ARHGAP26: variants seen among roughly 807,000 people sequenced by gnomAD.
ARHGAP26 encodes rho GTPase-activating protein 26.
In ARHGAP26, 38 loss-of-function variants were observed where a neutral mutation model predicts 104.8. The observed-to-expected ratio is 0.36, with a 90% CI of 0.28 to 0.48. ARHGAP26 has a LOEUF of 0.48. ARHGAP26 is among the 20% of genes least tolerant of loss of function. The pLI is 0.99. For missense variants in ARHGAP26, 704 were observed against 947.9 expected, an observed-to-expected ratio of 0.74 and a Z score of 3.38; for synonymous variants, 341 against 340.0, an observed-to-expected ratio of 1.00 and a Z score of -0.03.
chr5:142,994,873 A>G (rs921737038), intron 11 of ARHGAP26, among the ~76,000 whole-genome samples: 1 of 152,224 alleles, frequency 6.6e-6, no homozygotes, highest in East Asian at 1.9e-4. Context: ...TGTCACAATG[A>G]GAAAATAACA....
intron 17 of ARHGAP26, among the ~76,000 whole-genome samples, chr5:143,117,891 T>C (rs1341606509): frequency 6.6e-6 from 1 of 152,248 alleles, no homozygotes; most frequent in Non-Finnish European, 1.5e-5. Flanking sequence ...GAAACTCTCC[T>C]CATCTTTTAT....
chr5:142,781,954 A>G (rs1225677675), intron 1 of ARHGAP26, among the ~76,000 whole-genome samples: 2 of 152,028 alleles, frequency 1.3e-5, no homozygotes, highest in African/African-American at 2.4e-5. Flanking sequence ...TGACTTCGTG[A>G]TCTGCCCGCC....
chr5:142,832,804 A>C (rs370920564), intron 1 of ARHGAP26, among the ~76,000 whole-genome samples: 1 of 152,244 alleles, frequency 6.6e-6, no homozygotes, highest in South Asian at 2.1e-4. Flanking sequence ...GAATCTGCTC[A>C]GATGCTTAAG....
At chr5:143,147,188 A>G (rs780716986) in intron 19 of ARHGAP26, 43 bp from the exon 20 acceptor site, 85 of 1,597,960 alleles carry the variant, frequency 5.3e-5, no homozygotes, top group Non-Finnish European at 6.8e-5. Context: ...GACTGTCCCT[A>G]TGCAATAATA....
Position 142,963,372 on chromosome 5 carries a change from C to A in ARHGAP26, c.1107+31247C>A, listed in dbSNP as rs549881232. 4.6e-5 allele frequency among the ~76,000 whole-genome samples: 7 copies of A among 151,652 alleles called. No homozygotes were observed. In the South Asian group the frequency reaches 1.0e-3, roughly 23 times the overall value. ...TGATATATATTCTTTTGGGTGTATA[C>A]CCAGTAATGGGATTGCTGGATCAAA... On this transcript the variant is annotated intron_variant, in intron 11 of 22. Transcript: ENST00000645722.
intron 17 of ARHGAP26, among the ~76,000 whole-genome samples, chr5:143,078,473 C>T (rs916140422): frequency 2.6e-5 from 4 of 151,960 alleles, no homozygotes; most frequent in African/African-American, 7.3e-5. Flanking sequence ...ACTGATGGAC[C>T]GTGCTAGAGA....
intron 20 of ARHGAP26, among the ~76,000 whole-genome samples, chr5:143,183,515 G>C (rs1804703540): frequency 6.6e-6 from 1 of 152,176 alleles, no homozygotes; most frequent in African/African-American, 2.4e-5. Context: ...CCGGGAGTTG[G>C]CCTTATCCTG....
chr5:142,782,023 G>A (rs1561830788), intron 1 of ARHGAP26, among the ~76,000 whole-genome samples: 1 of 152,182 alleles, frequency 6.6e-6, no homozygotes, highest in Non-Finnish European at 1.5e-5. Context: ...CCGATTCATG[G>A]TGTTTTTGAG....
chr5:143,111,450 T>G (rs1794761734), intron 17 of ARHGAP26, among the ~76,000 whole-genome samples: 1 of 152,232 alleles, frequency 6.6e-6, no homozygotes, highest in Non-Finnish European at 1.5e-5. Context: ...CTCCAGCCTC[T>G]CCATTTGGGA....
intron 1 of ARHGAP26, among the ~76,000 whole-genome samples, chr5:142,858,094 T>TGTGA (rs1424264346): frequency 0.015 from 1,957 of 127,134 alleles, 50 homozygotes; most frequent in East Asian, 0.13. Context: ...TGTGTGTGTG[T>TGTGA]GAGAGAGAGA....
At chr5:142,850,376 T>G (rs1419497492) in intron 1 of ARHGAP26, among the ~76,000 whole-genome samples, 1 of 152,112 alleles carries the variant, frequency 6.6e-6, no homozygotes, top group African/African-American at 2.4e-5. Context: ...ACAGATGCTC[T>G]CTCTCTCTCT....
chr5:142,951,020 TTTCTCTTTCCCTTTCCCTTTCCC>T (rs1768287759), intron 11 of ARHGAP26, among the ~76,000 whole-genome samples: 2 of 146,134 alleles, frequency 1.4e-5, no homozygotes, highest in East Asian at 4.0e-4. Context: ...TCCCTTTCCC[TTTCTCTTTCCCTTTCCCTTTCCC>T]TTCCCCTTCC....
intron 20 of ARHGAP26, among the ~76,000 whole-genome samples, chr5:143,206,549 G>A (rs1002839930): frequency 6.6e-6 from 1 of 152,068 alleles, no homozygotes; most frequent in African/African-American, 2.4e-5. Flanking sequence ...CAAATTCCAC[G>A]AAAGGAGAAA....
intron 17 of ARHGAP26, among the ~76,000 whole-genome samples, chr5:143,109,446 G>GTTTGTT (rs1414946094): frequency 6.6e-6 from 1 of 151,734 alleles, no homozygotes; most frequent in Non-Finnish European, 1.5e-5. Context: ...TTTGGTTTTT[G>GTTTGTT]TTTGTTTTTG....
At chr5:143,133,852 G>A (rs1452338605) in intron 18 of ARHGAP26, 115 bp from the exon 19 acceptor site, 21 of 1,030,648 alleles carry the variant, frequency 2.0e-5, no homozygotes, top group East Asian at 2.8e-5. Flanking sequence ...TGGTCTTCTC[G>A]GATCTTTTCT....
At chr5:142,850,131 C>T (rs190409095) in intron 1 of ARHGAP26, among the ~76,000 whole-genome samples, 1 of 152,330 alleles carries the variant, frequency 6.6e-6, no homozygotes, top group East Asian at 1.9e-4. Flanking sequence ...AGAGCTCTGC[C>T]TACCTCTCCT....
intron 17 of ARHGAP26, among the ~76,000 whole-genome samples, chr5:143,097,584 G>T (rs574157791): frequency 2.1e-3 from 325 of 151,958 alleles, no homozygotes; most frequent in Non-Finnish European, 3.8e-3. Flanking sequence ...ACTTTGGGAG[G>T]TCGAGGCGGG....
chr5:142,920,178 GT>G (rs1366931660), intron 10 of ARHGAP26, among the ~76,000 whole-genome samples: 2 of 152,204 alleles, frequency 1.3e-5, no homozygotes, highest in Non-Finnish European at 2.9e-5. Flanking sequence ...AGGATTTAGT[GT>G]AAAATTTCTG....
At chr5:143,039,055 G>A (rs1418228691) in intron 13 of ARHGAP26, among the ~76,000 whole-genome samples, 1 of 152,090 alleles carries the variant, frequency 6.6e-6, no homozygotes, top group African/African-American at 2.4e-5. Context: ...CGTTCTGGGA[G>A]CAGTGGGGAG....
Sources: allele counts gnomAD v4.1 joint callset (sites outside exome capture counted in the v4.1 genomes callset), GRCh38; gene constraint gnomAD v4.1.1; transcripts MANE v1.5; gene names NCBI Gene and HGNC (gene_info 2026-07-23, HGNC 2026-07-21).